The following PROS1 variants were observed in gnomAD, a reference collection of about 807,000 sequenced individuals.
PROS1 encodes protein S, also known as vitamin K-dependent protein S.
PROS1 carries 29 observed loss-of-function variants against 75.9 expected under a neutral mutation model. The observed-to-expected ratio is 0.38, with a 90% CI of 0.28 to 0.52. The LOEUF is 0.52. Ranked by LOEUF, PROS1 falls within the 20% of genes least tolerant of loss-of-function variation. The probability of loss-of-function intolerance (pLI) is 0.83; values close to 1 mark genes in which losing one functional copy is unlikely to be tolerated. For synonymous variants in PROS1, 245 were observed against 280.6 expected, an observed-to-expected ratio of 0.87 and a Z score of 1.27; for missense variants, 680 against 810.3, an observed-to-expected ratio of 0.84 and a Z score of 1.95.
intron 12 of PROS1, among the ~76,000 whole-genome samples, chr3:93,883,806 C>T (rs549870762): frequency 4.6e-5 from 7 of 151,140 alleles, no homozygotes; most frequent in South Asian, 2.1e-4. Flanking sequence ...AAAAATTAGC[C>T]GGGCGTGGTG....
chr3:93,963,246 C>T (rs1709735201), intron 1 of PROS1, among the ~76,000 whole-genome samples: 1 of 152,172 alleles, frequency 6.6e-6, no homozygotes, highest in Non-Finnish European at 1.5e-5. Flanking sequence ...GAAAATCTGA[C>T]TATCTGACAC....
At chr3:93,969,127 T>C (rs1304712869) in intron 1 of PROS1, among the ~76,000 whole-genome samples, 3 of 148,816 alleles carry the variant, frequency 2.0e-5, no homozygotes, top group South Asian at 2.1e-4. Flanking sequence ...GTTTTCTTTT[T>C]TTTTTTTTTT....
chr3:93,955,716 A>G (rs1709587901), intron 1 of PROS1, among the ~76,000 whole-genome samples: 1 of 149,890 alleles, frequency 6.7e-6, no homozygotes, highest in African/African-American at 2.5e-5. Context: ...CCTAGAACTT[A>G]AAGTATAAAA....
At chr3:93,951,678 C>T (rs1306504709) in intron 1 of PROS1, among the ~76,000 whole-genome samples, 1 of 152,206 alleles carries the variant, frequency 6.6e-6, no homozygotes, top group East Asian at 1.9e-4. Context: ...TAGGAAGAAA[C>T]TGCATCAGCT....
At chr3:93,951,418 A>G (rs1709493298) in intron 1 of PROS1, among the ~76,000 whole-genome samples, 1 of 152,270 alleles carries the variant, frequency 6.6e-6, no homozygotes, top group Non-Finnish European at 1.5e-5. Context: ...TCTACAAGCC[A>G]GAAGAGAGTA....
chr3:93,887,209 C>T (rs189825527), intron 10 of PROS1, among the ~76,000 whole-genome samples: 18 of 152,240 alleles, frequency 1.2e-4, no homozygotes, highest in African/African-American at 2.9e-4. Context: ...TGAGCCACCG[C>T]GCCCGGCCCA....
rs1455675811 is a variant in PROS1, at chr3:93,898,552, C to T, written c.745G>A (p.Glu249Lys). 6.2e-7 allele frequency: 1 copy of T among 1,612,416 alleles called. No homozygotes were observed. The highest frequency in any genetic ancestry group is 2.2e-5 in the East Asian group (1 of 44,776). ...KSCEDIDECS[E>K]NMCAQLCVNY... ...ACACAAAGCTGAGCACACATGTTCTCAGAGCATTCATCTATATCTGAGGTA... is the reference window on the plus strand; with the variant it reads ...ACACAAAGCTGAGCACACATGTTCTTAGAGCATTCATCTATATCTGAGGTA... The change falls in exon 8 of 15, where the codon GAG becomes AAG. Residue 249 changes from glutamate (E) to lysine (K), a missense_variant. Transcript: ENST00000394236.
At chr3:93,959,150 G>A (rs1709659239) in intron 1 of PROS1, among the ~76,000 whole-genome samples, 1 of 151,900 alleles carries the variant, frequency 6.6e-6, no homozygotes, top group South Asian at 2.1e-4. Context: ...GACCAGCCTA[G>A]GCAACATGGC....
chr3:93,938,614 G>A (rs978474728), intron 1 of PROS1, among the ~76,000 whole-genome samples: 14 of 152,196 alleles, frequency 9.2e-5, no homozygotes, highest in African/African-American at 3.4e-4. Flanking sequence ...CTCTTCTCCA[G>A]CCTCTCTTGC....
intron 12 of PROS1, among the ~76,000 whole-genome samples, chr3:93,883,131 G>A (rs770322640): frequency 6.6e-6 from 1 of 152,130 alleles, no homozygotes; most frequent in Non-Finnish European, 1.5e-5. Flanking sequence ...GAATTTGTAC[G>A]ACAACAACAT....
intron 3 of PROS1, among the ~76,000 whole-genome samples, chr3:93,916,163 C>T (rs960670152): frequency 1.8e-4 from 27 of 152,126 alleles, no homozygotes; most frequent in African/African-American, 4.8e-4. Flanking sequence ...GGGAGCCAAA[C>T]TCAGCCCCAG....
chr3:93,954,300 G>A (rs1476462677), intron 1 of PROS1, among the ~76,000 whole-genome samples: 1 of 152,152 alleles, frequency 6.6e-6, no homozygotes, highest in African/African-American at 2.4e-5. Flanking sequence ...AAAGCTGGAG[G>A]CATCTTGCTA....
At chr3:93,905,734 G>C in intron 6 of PROS1, 50 bp downstream of exon 6, 1 of 1,587,144 alleles carries the variant, frequency 6.3e-7, no homozygotes, top group Non-Finnish European at 8.6e-7. Flanking sequence ...CTCTAACTGG[G>C]ATTATTCTCA....
chr3:93,909,018 T>C (rs1305912178), intron 4 of PROS1, among the ~76,000 whole-genome samples: 2 of 152,166 alleles, frequency 1.3e-5, no homozygotes, highest in Admixed American at 1.3e-4. Context: ...ACTGGTATGT[T>C]CAAAGTTAAT....
intron 1 of PROS1, among the ~76,000 whole-genome samples, chr3:93,929,237 G>T (rs1709070491): frequency 6.6e-6 from 1 of 152,168 alleles, no homozygotes; most frequent in African/African-American, 2.4e-5. Flanking sequence ...CAGCACTTTG[G>T]GAGGCCAAGG....
intron 3 of PROS1, among the ~76,000 whole-genome samples, chr3:93,923,473 C>G (rs1708972487): frequency 6.6e-6 from 1 of 152,074 alleles, no homozygotes; most frequent in Non-Finnish European, 1.5e-5. Flanking sequence ...ACATTTCTAT[C>G]TAAAATTAAA....
chr3:93,968,516 G>A (rs1709822916), intron 1 of PROS1, among the ~76,000 whole-genome samples: 1 of 152,066 alleles, frequency 6.6e-6, no homozygotes, highest in African/African-American at 2.4e-5. Flanking sequence ...CCTACTTTGT[G>A]GTACTTTATT....
intron 1 of PROS1, among the ~76,000 whole-genome samples, chr3:93,928,498 C>A (rs1709060172): frequency 6.8e-6 from 1 of 147,382 alleles, no homozygotes; most frequent in Non-Finnish European, 1.5e-5. Flanking sequence ...CCTGCCACTG[C>A]ACTCCAGCCT....
chr3:93,935,567 G>A (rs998248187), intron 1 of PROS1, among the ~76,000 whole-genome samples: 7 of 151,928 alleles, frequency 4.6e-5, no homozygotes, highest in African/African-American at 9.7e-5. Context: ...TTGCAATATC[G>A]CCCTACTTGC....
Sources: allele counts gnomAD v4.1 joint callset (sites outside exome capture counted in the v4.1 genomes callset), GRCh38; gene constraint gnomAD v4.1.1; transcripts MANE v1.5; gene names NCBI Gene and HGNC (gene_info 2026-07-23, HGNC 2026-07-21).